Variants in FCHO2 observed in about 807,000 individuals in gnomAD.
FCHO2 encodes the protein F-BAR domain only protein 2.
In FCHO2, 43 loss-of-function variants were observed where a neutral mutation model predicts 114.1. The ratio of observed to expected loss-of-function variants is 0.38; its 90% CI spans 0.30 to 0.49. The LOEUF (loss-of-function observed/expected upper bound fraction) is 0.49, where lower values mean the gene tolerates loss of function less well. Ranked by LOEUF, FCHO2 falls within the 20% of genes least tolerant of loss-of-function variation. The pLI, the probability that FCHO2 is intolerant of heterozygous loss-of-function variation, is 0.97. For missense variants in FCHO2, 807 were observed against 950.4 expected (o/e 0.85, Z 1.98); for synonymous variants, 293 against 315.2 (o/e 0.93, Z 0.75).
intron 5 of FCHO2, among the ~76,000 whole-genome samples, chr5:72,995,985 G>C (rs1253638099): frequency 1.3e-5 from 2 of 152,052 alleles, no homozygotes; most frequent in Non-Finnish European, 2.9e-5. Context: ...GCTCACACTT[G>C]TAATCCCAGC....
chr5:73,068,642 T>C lies in FCHO2; in HGVS notation c.1450-8T>C. On this transcript the variant is annotated splice_polypyrimidine_tract_variant and splice_region_variant and intron_variant, in intron 18 of 25. Coordinates refer to ENST00000430046, the MANE Select transcript of FCHO2 (RefSeq NM_138782.3). ...TAGCATTTTGATAAATAACTTTTTG[T>C]TTTTAAGCCCAGGCCATTCAGCCCA... The C allele has an allele frequency of 6.2e-7, 1 of 1,607,922 alleles. No homozygotes were observed.
chr5:73,014,610 G>A (rs547409898), intron 6 of FCHO2, among the ~76,000 whole-genome samples: 222 of 152,190 alleles, frequency 1.5e-3, no homozygotes, highest in Admixed American at 5.4e-3. Context: ...TCAAGGATTA[G>A]AAAGACATTT....
chr5:72,969,327 A>G (rs572571098), intron 2 of FCHO2, among the ~76,000 whole-genome samples: 1 of 152,348 alleles, frequency 6.6e-6, no homozygotes, highest in South Asian at 2.1e-4. Context: ...TTATGGGAAT[A>G]TAGTGGTTAA....
chr5:73,044,607 A>T (rs2112817395), intron 11 of FCHO2, among the ~76,000 whole-genome samples: 1 of 152,330 alleles, frequency 6.6e-6, no homozygotes, highest in Non-Finnish European at 1.5e-5. Context: ...TATGTAATTT[A>T]AAAAATTATT....
intron 11 of FCHO2, among the ~76,000 whole-genome samples, chr5:73,049,956 C>A (rs974015325): frequency 2.6e-5 from 4 of 152,160 alleles, no homozygotes; most frequent in Admixed American, 1.3e-4. Context: ...CATCAGTCAG[C>A]CCCAGCAGCT....
intron 7 of FCHO2, 104 bp downstream of exon 7, chr5:73,015,828 C>A (rs986742752): frequency 3.9e-6 from 2 of 518,778 alleles, no homozygotes; most frequent in Admixed American, 4.2e-5. Context: ...AGTATAATAC[C>A]GAATTTTTCC....
rs989078976 is a variant in FCHO2, at chr5:73,042,751, A to C, written c.939+1436A>C. Among the ~76,000 whole-genome samples the C allele has an allele frequency of 4.6e-5, 7 of 152,304 alleles. No homozygotes were observed. The East Asian group carries it at 9.6e-4, about 21-fold the overall frequency. Reference sequence around the variant, plus strand: ...AGTTTATATGCAAATCAATACAGAAAATAAGTGGGTGCCTAGTAGGAAAAG... The same window carrying C: ...AGTTTATATGCAAATCAATACAGAACATAAGTGGGTGCCTAGTAGGAAAAG... On this transcript the variant is annotated intron_variant, in intron 11 of 25. Transcript: ENST00000430046.
At chr5:73,042,000 C>G (rs969247541) in intron 11 of FCHO2, among the ~76,000 whole-genome samples, 4 of 151,990 alleles carry the variant, frequency 2.6e-5, no homozygotes, top group Admixed American at 2.0e-4. Context: ...TTCTTACCTG[C>G]GTAACTATTG....
At chr5:72,991,771 A>T (rs1431733305) in intron 5 of FCHO2, among the ~76,000 whole-genome samples, 2 of 152,218 alleles carry the variant, frequency 1.3e-5, no homozygotes. Flanking sequence ...AAGGAAACCA[A>T]ATTGTACCAA....
intron 21 of FCHO2, 66 bp downstream of exon 21, chr5:73,077,559 G>C: frequency 6.7e-7 from 1 of 1,485,444 alleles, no homozygotes; most frequent in Non-Finnish European, 9.0e-7. Flanking sequence ...GCTGTGCACA[G>C]TGGCTCACGC....
In FCHO2 at chr5:73,012,310, C is replaced by T. The variant is rs117329474; in HGVS notation, c.601-3316C>T. 6.1e-4 allele frequency among the ~76,000 whole-genome samples: 93 copies of T among 152,222 alleles called. No homozygotes were observed. The East Asian group carries it at 0.015, about 24-fold the overall frequency. On this transcript the variant is annotated intron_variant, in intron 6 of 25. Transcript: ENST00000430046. ...TTGACAGAAATGTCATTATGTGGCTCATGACTATACTTTTAAAAATTAATG... is the reference window on the plus strand; with the variant it reads ...TTGACAGAAATGTCATTATGTGGCTTATGACTATACTTTTAAAAATTAATG...
intron 8 of FCHO2, among the ~76,000 whole-genome samples, chr5:73,024,443 G>A (rs1332043611): frequency 6.7e-6 from 1 of 150,118 alleles, no homozygotes; most frequent in Non-Finnish European, 1.5e-5. Context: ...TTTTTTTTAT[G>A]TTTTATTTTT....
At chr5:73,052,639 C>T in intron 13 of FCHO2, 132 bp downstream of exon 13, 1 of 751,704 alleles carries the variant, frequency 1.3e-6, no homozygotes, top group Non-Finnish European at 2.0e-6. Flanking sequence ...AATTTTTATA[C>T]AGGGAAATAA....
intron 13 of FCHO2, among the ~76,000 whole-genome samples, chr5:73,053,431 C>T (rs1001523361): frequency 1.3e-5 from 2 of 152,154 alleles, no homozygotes; most frequent in African/African-American, 2.4e-5. Flanking sequence ...CATGGTGGCT[C>T]ACGCCTGTAA....
At chr5:73,046,201 G>C (rs574416832) in intron 11 of FCHO2, among the ~76,000 whole-genome samples, 2 of 152,266 alleles carry the variant, frequency 1.3e-5, no homozygotes, top group South Asian at 4.2e-4. Flanking sequence ...AAGTAGCTAG[G>C]ACTACAGGCA....
chr5:73,054,705 G>A (rs112737014), intron 15 of FCHO2, among the ~76,000 whole-genome samples, 156 bp downstream of exon 15: 2,755 of 152,154 alleles, frequency 0.018, 77 homozygotes, highest in African/African-American at 0.058. Context: ...AGAAAACAGC[G>A]TATCTATATT....
intron 2 of FCHO2, among the ~76,000 whole-genome samples, chr5:72,983,353 A>T (rs189638237): frequency 9.3e-5 from 14 of 150,378 alleles, no homozygotes; most frequent in Non-Finnish European, 1.9e-4. Context: ...TCCTAATGCT[A>T]TCCCTCCCCT....
Position 73,034,658 on chromosome 5 carries a change from C to T in FCHO2, c.798C>T (p.Gly266=), listed in dbSNP as rs1278453374. 3.3e-5 allele frequency: 52 copies of T among 1,594,042 alleles called. No individual in the cohort carries two copies. The highest frequency in any genetic ancestry group is 4.5e-5 in the East Asian group (2 of 44,228). The change falls in exon 9 of 26, where the codon GGC becomes GGT. Residue 266 remains glycine, a splice_region_variant and synonymous_variant. Coordinates refer to ENST00000430046, the MANE Select transcript of FCHO2 (RefSeq NM_138782.3). ...ESKGTGKERP[G]LIEFEECDTA... ...GTTTTTCAATTTCTTTTTTTCCAGG[C>T]CTCATTGAATTTGAAGAATGTGACA... is the stretch of plus-strand genomic sequence containing the variant.
intron 9 of FCHO2, among the ~76,000 whole-genome samples, chr5:73,036,565 A>G (rs1197232583): frequency 6.6e-6 from 1 of 151,262 alleles, no homozygotes; most frequent in Non-Finnish European, 1.5e-5. Context: ...TTGTAGAGAC[A>G]GGGTTTCACC....
Sources: gnomAD v4.1 joint callset for allele counts (sites outside exome capture counted in the v4.1 genomes callset) on GRCh38, gnomAD v4.1.1 for gene constraint, MANE v1.5 for transcripts, NCBI Gene and HGNC (gene_info 2026-07-23, HGNC 2026-07-21) for gene names.